Variants in RBFOX1 observed in about 807,000 individuals in gnomAD.
RBFOX1 encodes the protein RNA binding fox-1 homolog 1.
Under a neutral mutation model 57.7 loss-of-function variants are expected in RBFOX1, and 8 were observed. The ratio of observed to expected loss-of-function variants is 0.14; its 90% confidence interval spans 0.08 to 0.25. The LOEUF (loss-of-function observed/expected upper bound fraction) is 0.25, where lower values mean the gene tolerates loss of function less well. Among genes scored for constraint, RBFOX1 ranks in the 10% least tolerant of loss-of-function variants. The probability of loss-of-function intolerance (pLI) is 1.00; values close to 1 mark genes in which losing one functional copy is unlikely to be tolerated. For missense variants in RBFOX1, 611 were observed against 548.5 expected, an observed-to-expected ratio of 1.11 and a Z score of -1.14; for synonymous variants, 326 against 222.4, an observed-to-expected ratio of 1.47 and a Z score of -4.15.
chr16:6,865,029 T>G (rs2059679699), intron 3 of RBFOX1, among the ~76,000 whole-genome samples: 1 of 109,898 alleles, frequency 9.1e-6, no homozygotes, highest in African/African-American at 3.5e-5. Flanking sequence ...TGAGATCGAA[T>G]TTTGCTCTTG....
At chr16:5,708,359 G>A (rs1300712201) in intron 3 of RBFOX1, among the ~76,000 whole-genome samples, 3 of 152,138 alleles carry the variant, frequency 2.0e-5, no homozygotes, top group Non-Finnish European at 2.9e-5. Flanking sequence ...TTCATTTTGA[G>A]CTTCCATATA....
intron 2 of RBFOX1, among the ~76,000 whole-genome samples, chr16:6,592,272 T>C (rs2097721893): frequency 6.6e-6 from 1 of 152,216 alleles, no homozygotes; most frequent in South Asian, 2.1e-4. Flanking sequence ...AAGTTGGACA[T>C]TGCATACATA....
intron 1 of RBFOX1, among the ~76,000 whole-genome samples, chr16:6,277,321 T>C (rs1186293515): frequency 2.0e-5 from 3 of 149,886 alleles, no homozygotes; most frequent in African/African-American, 4.9e-5. Flanking sequence ...CTTAGCCAGG[T>C]GTGATGGTGT....
chr16:6,931,340 TACAC>T lies in RBFOX1; in HGVS notation c.-15-120697_-15-120694del, dbSNP rs1555640313. Among the ~76,000 whole-genome samples the T allele has an allele frequency of 3.7e-3, 398 of 106,952 alleles. 2 individuals carry two copies. The highest frequency in any genetic ancestry group is 6.2e-3 in the Non-Finnish European group (287 of 46,620). The allele number at this position is 106,952 out of a possible 152,430, so 70.2% of individuals were successfully genotyped here. On this transcript the variant is annotated intron_variant, in intron 3 of 15. Coordinates refer to ENST00000550418, the MANE Select transcript of RBFOX1 (RefSeq NM_018723.4). ...ATCTATCTATCTATCTATCTATCTC[TACAC>T]ACACACACACACACACACATACATA...
intron 4 of RBFOX1, among the ~76,000 whole-genome samples, chr16:7,144,211 G>C (rs1201248707): frequency 1.3e-5 from 2 of 152,056 alleles, no homozygotes; most frequent in Admixed American, 1.3e-4. Context: ...TCCTCTTAAA[G>C]ATTTCCTCAT....
At chr16:7,382,190 T>C (rs547788165) in intron 4 of RBFOX1, among the ~76,000 whole-genome samples, 1 of 152,330 alleles carries the variant, frequency 6.6e-6, no homozygotes, top group Non-Finnish European at 1.5e-5. Flanking sequence ...ACTTAGCCAC[T>C]ATGAAGACTC....
chr16:7,029,048 A>ATC, intron 3 of RBFOX1, among the ~76,000 whole-genome samples: 1 of 13,640 alleles, frequency 7.3e-5, no homozygotes, highest in Non-Finnish European at 1.4e-4. Context: ...AAAAAAAGCT[A>ATC]TATATATATA....
At chr16:7,074,285 T>A (rs2057907506) in intron 4 of RBFOX1, among the ~76,000 whole-genome samples, 1 of 152,194 alleles carries the variant, frequency 6.6e-6, no homozygotes, top group South Asian at 2.1e-4. Context: ...AGATGGGAAG[T>A]CTCAGAAATC....
intron 1 of RBFOX1, among the ~76,000 whole-genome samples, chr16:5,431,615 C>T (rs372859636): frequency 1.3e-5 from 2 of 152,052 alleles, no homozygotes; most frequent in African/African-American, 2.4e-5. Context: ...CCTTGTGATC[C>T]GCCCGCCTCA....
intron 2 of RBFOX1, among the ~76,000 whole-genome samples, chr16:6,585,503 C>T (rs962993986): frequency 6.6e-6 from 1 of 152,144 alleles, no homozygotes; most frequent in Non-Finnish European, 1.5e-5. Context: ...TTTCAAGTGC[C>T]GTTTTTCATC....
At chr16:6,338,286 A>T (rs1255343543) in intron 2 of RBFOX1, among the ~76,000 whole-genome samples, 1 of 152,190 alleles carries the variant, frequency 6.6e-6, no homozygotes, top group African/African-American at 2.4e-5. Context: ...TTTTGAAGGG[A>T]TTATATCAAG....
intron 1 of RBFOX1, among the ~76,000 whole-genome samples, chr16:6,232,207 C>T (rs934009155): frequency 6.6e-6 from 1 of 152,140 alleles, no homozygotes; most frequent in African/African-American, 2.4e-5. Context: ...TGGTTTGCTT[C>T]CTGAGGAGAG....
At chr16:7,474,054 T>A (rs982033601) in intron 4 of RBFOX1, among the ~76,000 whole-genome samples, 1 of 152,092 alleles carries the variant, frequency 6.6e-6, no homozygotes, top group South Asian at 2.1e-4. Context: ...TTTGGGAGGC[T>A]GAGGAGGGCG....
chr16:6,313,526 C>T (rs2080650821), intron 1 of RBFOX1, among the ~76,000 whole-genome samples: 1 of 152,156 alleles, frequency 6.6e-6, no homozygotes, highest in South Asian at 2.1e-4. Flanking sequence ...TACATTCTGG[C>T]TGTCCAAGGG....
chr16:7,217,159 C>G (rs1056512164), intron 4 of RBFOX1, among the ~76,000 whole-genome samples: 2 of 150,946 alleles, frequency 1.3e-5, no homozygotes, highest in African/African-American at 4.9e-5. Context: ...GGGTGGAGTG[C>G]AGTGGCACAA....
chr16:5,736,718 GC>G (rs1232967259), intron 3 of RBFOX1, among the ~76,000 whole-genome samples: 7 of 151,322 alleles, frequency 4.6e-5, no homozygotes, highest in African/African-American at 1.7e-4. Context: ...GCCTCTCTCT[GC>G]CCCCTCCCCT....
At chr16:5,933,794 T>G (rs1206360255) in intron 4 of RBFOX1, among the ~76,000 whole-genome samples, 1 of 151,994 alleles carries the variant, frequency 6.6e-6, no homozygotes, top group Non-Finnish European at 1.5e-5. Context: ...TTTTGTTTTT[T>G]TTTTAACTTA....
At chr16:5,276,746 G>A (rs369356701) in intron 1 of RBFOX1, among the ~76,000 whole-genome samples, 1 of 152,176 alleles carries the variant, frequency 6.6e-6, no homozygotes, top group Non-Finnish European at 1.5e-5. Flanking sequence ...ACTCCAGCCT[G>A]TGTGACAGAG....
At chr16:7,190,391 A>G (rs1025057833) in intron 4 of RBFOX1, among the ~76,000 whole-genome samples, 4 of 152,176 alleles carry the variant, frequency 2.6e-5, no homozygotes, top group African/African-American at 7.2e-5. Context: ...AAAATAAAAA[A>G]TAAAACTTCC....
Sources: gnomAD v4.1 joint callset for allele counts (sites outside exome capture counted in the v4.1 genomes callset) on GRCh38, gnomAD v4.1.1 for gene constraint, MANE v1.5 for transcripts, NCBI Gene and HGNC (gene_info 2026-07-23, HGNC 2026-07-21) for gene names.